Variants in SPATS2 observed in about 807,000 individuals in gnomAD.
The protein encoded by SPATS2 is spermatogenesis associated serine rich 2, also known as spermatogenesis-associated serine-rich protein 2.
In SPATS2, 38 loss-of-function variants were observed where a neutral mutation model predicts 63.7. The observed-to-expected ratio is 0.60, with a 90% confidence interval of 0.46 to 0.78. SPATS2 has a LOEUF of 0.78. SPATS2 is among the 30% of genes least tolerant of loss of function. SPATS2 has a pLI of 0.00. For missense variants in SPATS2, 588 were observed against 666.2 expected (o/e 0.88, Z 1.29); for synonymous variants, 207 against 232.9 (o/e 0.89, Z 1.01).
In SPATS2 at chr12:49,440,658, G is replaced by A. The variant is rs529347797; in HGVS notation, c.-243-20112G>A. ...TAATTTTTGTGTTTTTAGTAGAGAC[G>A]GGGTTTCACCATGTTAGCCAGGATG... On this transcript the variant is annotated intron_variant, in intron 2 of 13. Transcript: ENST00000552918. Among the ~76,000 whole-genome samples, 10 of 152,078 alleles carry A rather than the reference G, an allele frequency of 6.6e-5. No homozygotes were observed. The East Asian group carries it at 1.5e-3, about 24-fold the overall frequency.
At chr12:49,399,033 C>T (rs879824533) in intron 2 of SPATS2, among the ~76,000 whole-genome samples, 46 of 152,132 alleles carry the variant, frequency 3.0e-4, no homozygotes, top group Admixed American at 2.5e-3. Flanking sequence ...TTTTGTCCTT[C>T]CTCTTTATTT....
At chr12:49,489,950 C>T (rs1946356659) in intron 5 of SPATS2, among the ~76,000 whole-genome samples, 1 of 152,324 alleles carries the variant, frequency 6.6e-6, no homozygotes, top group Admixed American at 6.5e-5. Context: ...TCAGTATTGT[C>T]TTCCGGATTC....
chr12:49,518,479 T>G (rs1035509082), intron 10 of SPATS2, among the ~76,000 whole-genome samples: 37 of 152,270 alleles, frequency 2.4e-4, no homozygotes, highest in African/African-American at 8.4e-4. Flanking sequence ...ACATACTGGG[T>G]GGCTGTTAAA....
intron 2 of SPATS2, among the ~76,000 whole-genome samples, chr12:49,400,888 A>T (rs1417981863): frequency 3.9e-5 from 6 of 152,064 alleles, no homozygotes; most frequent in African/African-American, 9.7e-5. Flanking sequence ...ATTTCATTTT[A>T]ATTTTGAGAC....
At chr12:49,367,308 T>C (rs1034387908), upstream of SPATS2, 1 of 374,624 alleles carries the variant, frequency 2.7e-6, no homozygotes, top group African/African-American at 2.1e-5. Flanking sequence ...CCGAGAGGGC[T>C]CCGGGGCGGG....
At chr12:49,430,294 G>A (rs1945162878) in intron 2 of SPATS2, among the ~76,000 whole-genome samples, 1 of 151,128 alleles carries the variant, frequency 6.6e-6, no homozygotes, top group Admixed American at 6.6e-5. Flanking sequence ...TAGAGATGGT[G>A]TTTCACTATG....
chr12:49,389,742 A>G, intron 2 of SPATS2: 1 of 1,532,166 alleles, frequency 6.5e-7, no homozygotes, highest in Non-Finnish European at 9.0e-7. Context: ...AAACAGACAA[A>G]TCAGAGAATT....
intron 1 of SPATS2, among the ~76,000 whole-genome samples, chr12:49,370,722 A>G (rs1305971020): frequency 6.6e-6 from 1 of 152,090 alleles, no homozygotes; most frequent in African/African-American, 2.4e-5. Flanking sequence ...CAGGGCTTAA[A>G]AGATCTTCCC....
intron 3 of SPATS2, among the ~76,000 whole-genome samples, chr12:49,473,451 A>G (rs1006940539): frequency 6.6e-6 from 1 of 152,094 alleles, no homozygotes; most frequent in Non-Finnish European, 1.5e-5. Flanking sequence ...CTCAAACACT[A>G]CTAGTGAGAA....
intron 9 of SPATS2, among the ~76,000 whole-genome samples, chr12:49,502,980 C>T (rs1193601179): frequency 1.3e-5 from 2 of 152,300 alleles, no homozygotes; most frequent in East Asian, 1.9e-4. Flanking sequence ...GATTTTTCCC[C>T]TTTCTGAACC....
intron 9 of SPATS2, among the ~76,000 whole-genome samples, chr12:49,509,708 T>C (rs375595090): frequency 6.6e-6 from 1 of 150,720 alleles, no homozygotes; most frequent in Non-Finnish European, 1.5e-5. Flanking sequence ...TCCCAGCTAC[T>C]CGGGAGGCTG....
chr12:49,475,375 T>C (rs1946100156), intron 3 of SPATS2, among the ~76,000 whole-genome samples: 1 of 152,228 alleles, frequency 6.6e-6, no homozygotes, highest in South Asian at 2.1e-4. Context: ...AGTATTCTTG[T>C]TGCTACAAAA....
At chr12:49,459,702 C>T (rs142368232) in intron 2 of SPATS2, among the ~76,000 whole-genome samples, 276 of 133,240 alleles carry the variant, frequency 2.1e-3, no homozygotes, top group Middle Eastern at 8.9e-3. Context: ...TAAGTCCATT[C>T]TTTGGGTTTG....
chr12:49,492,089 A>C (rs1355715609), intron 6 of SPATS2, among the ~76,000 whole-genome samples: 1 of 152,010 alleles, frequency 6.6e-6, no homozygotes, highest in Non-Finnish European at 1.5e-5. Context: ...CTAATACTAC[A>C]CAGATTCTTC....
chr12:49,368,947 T>A (rs1943950723), intron 1 of SPATS2, among the ~76,000 whole-genome samples: 1 of 152,174 alleles, frequency 6.6e-6, no homozygotes, highest in African/African-American at 2.4e-5. Context: ...AATAATGATT[T>A]AAATTGTTAC....
chr12:49,465,583 G>C (rs1945898461), intron 3 of SPATS2, among the ~76,000 whole-genome samples: 1 of 152,078 alleles, frequency 6.6e-6, no homozygotes, highest in African/African-American at 2.4e-5. Flanking sequence ...TGTATATTCT[G>C]AATACAAGTT....
At chr12:49,497,596 G>A (rs188920385) in intron 8 of SPATS2, among the ~76,000 whole-genome samples, 233 of 151,938 alleles carry the variant, frequency 1.5e-3, no homozygotes, top group East Asian at 0.015. Flanking sequence ...GGGTTTCGCC[G>A]TGTTAGCCAG....
At chr12:49,438,151 C>T (rs114367350) in intron 2 of SPATS2, among the ~76,000 whole-genome samples, 3 of 152,104 alleles carry the variant, frequency 2.0e-5, no homozygotes, top group African/African-American at 7.2e-5. Flanking sequence ...AATATTCTAA[C>T]TTCTATCACT....
intron 2 of SPATS2, among the ~76,000 whole-genome samples, chr12:49,427,704 C>CT (rs1945105330): frequency 6.6e-6 from 1 of 152,006 alleles, no homozygotes; most frequent in East Asian, 1.9e-4. Flanking sequence ...GTCAATTTTC[C>CT]TTTTTTGTGT....
Sources: gnomAD v4.1 joint callset for allele counts (sites outside exome capture counted in the v4.1 genomes callset) on GRCh38, gnomAD v4.1.1 for gene constraint, MANE v1.5 for transcripts, NCBI Gene and HGNC (gene_info 2026-07-23, HGNC 2026-07-21) for gene names.